GIGYF2: variants seen among roughly 807,000 people sequenced by gnomAD.
GIGYF2 encodes the protein GRB10 interacting GYF protein 2, also known as GRB10-interacting GYF protein 2.
Under a neutral mutation model 208.1 loss-of-function variants are expected in GIGYF2, and 25 were observed. That is an observed-to-expected ratio of 0.12 (90% confidence interval 0.09 to 0.17). GIGYF2 has a LOEUF of 0.17. GIGYF2 is among the 10% of genes least tolerant of loss of function. The pLI, the probability that GIGYF2 is intolerant of heterozygous loss-of-function variation, is 1.00. For missense variants in GIGYF2, 1,302 were observed against 1,579.4 expected, an observed-to-expected ratio of 0.82 and a Z score of 2.98; for synonymous variants, 534 against 543.8, an observed-to-expected ratio of 0.98 and a Z score of 0.25.
intron 8 of GIGYF2, among the ~76,000 whole-genome samples, chr2:232,769,650 T>G (rs2106337168): frequency 6.6e-6 from 1 of 152,296 alleles, no homozygotes; most frequent in Middle Eastern, 3.4e-3. Context: ...CAGGTCTATC[T>G]TCCTTGTGCC....
chr2:232,839,776 A>T (rs1447688146), intron 22 of GIGYF2, 73 bp from the exon 23 acceptor site: 3 of 1,433,956 alleles, frequency 2.1e-6, no homozygotes, highest in Non-Finnish European at 3.0e-6. Context: ...CTGGGTATAC[A>T]TAATGCATTA....
At chr2:232,756,435 T>G in intron 6 of GIGYF2, 101 bp downstream of exon 6, 1 of 633,998 alleles carries the variant, frequency 1.6e-6, no homozygotes, top group South Asian at 2.3e-5. Context: ...AAACTGTTCT[T>G]TGACATTAAC....
intron 28 of GIGYF2, among the ~76,000 whole-genome samples, chr2:232,854,654 T>C (rs1690483720): frequency 6.6e-6 from 1 of 152,206 alleles, no homozygotes; most frequent in Non-Finnish European, 1.5e-5. Flanking sequence ...TTGTAAGCAG[T>C]TGGTACCACA....
Position 232,771,270 on chromosome 2 carries a change from C to T in GIGYF2, c.532+9834C>T, listed in dbSNP as rs539369632. On this transcript the variant is annotated intron_variant, in intron 8 of 28. Transcript: ENST00000373563. ...ATGCAAGACCTCTTTGAGCGCCATC[C>T]ATTTGAAGTGTGCTGTGGCCATCCT... 12 of 1,608,814 alleles carry T rather than the reference C, an allele frequency of 7.5e-6. No individual in the cohort carries two copies. Among genetic ancestry groups the T allele is most frequent in the Non-Finnish European group, 9.3e-6 (11 of 1,176,790 alleles).
chr2:232,731,123 T>G (rs1373852504), intron 2 of GIGYF2: 1 of 152,184 alleles, frequency 6.6e-6, no homozygotes, highest in Non-Finnish European at 1.5e-5. Flanking sequence ...GTTCCTTAGA[T>G]GCTGCTTGAA....
chr2:232,790,687 TCTC>T lies in GIGYF2; in HGVS notation c.713-10_713-8del. On this transcript the variant is annotated splice_region_variant and splice_polypyrimidine_tract_variant and intron_variant, in intron 9 of 28. Coordinates refer to ENST00000373563, the MANE Select transcript of GIGYF2 (RefSeq NM_001103146.3). ...ACTTTTCTAAGGTTTGTGTCCTCCT[TCTC>T]ATCTCAGATGGCCCTCGTTCTGCAG... 6.2e-7 allele frequency: 1 copy of T among 1,605,736 alleles called. No individual in the cohort carries two copies. The highest frequency in any genetic ancestry group is 8.5e-7 in the Non-Finnish European group (1 of 1,172,374).
chr2:232,746,285 A>G (rs891317329), intron 3 of GIGYF2, among the ~76,000 whole-genome samples: 5 of 151,946 alleles, frequency 3.3e-5, no homozygotes, highest in Admixed American at 1.3e-4. Flanking sequence ...TGCATACGCT[A>G]TTTTTAATAA....
chr2:232,708,296 TATA>T (rs1159169346), intron 2 of GIGYF2, among the ~76,000 whole-genome samples: 1 of 152,140 alleles, frequency 6.6e-6, no homozygotes, highest in Non-Finnish European at 1.5e-5. Context: ...CATAATGTAT[TATA>T]AGAACATACA....
intron 28 of GIGYF2, among the ~76,000 whole-genome samples, chr2:232,855,587 T>C (rs1481520941): frequency 1.3e-5 from 2 of 152,188 alleles, no homozygotes; most frequent in African/African-American, 4.8e-5. Context: ...CTAAGGATCT[T>C]AATAGTGTGT....
chr2:232,802,882 T>C (rs971735939), intron 14 of GIGYF2, among the ~76,000 whole-genome samples: 13 of 150,156 alleles, frequency 8.7e-5, no homozygotes, highest in Non-Finnish European at 1.9e-4. Flanking sequence ...AGGGCAGGGC[T>C]TTCCTTTGTC....
rs1574888234 is a variant in GIGYF2 at position 232,790,748 on chromosome 2, T to A, written c.763T>A (p.Phe255Ile). The change falls in exon 10 of 29, where the codon TTT (phenylalanine) becomes ATT (isoleucine). Residue 255 changes from phenylalanine to isoleucine, a missense_variant. Transcript: ENST00000373563. ...GGAACACATGGAACGACGTCGGAGGTTTGAGTTTGATTTTCGAGATAGAGA... is the reference window on the plus strand; with the variant it reads ...GGAACACATGGAACGACGTCGGAGGATTGAGTTTGATTTTCGAGATAGAGA... Reference protein sequence around the residue: ...WREHMERRRRFEFDFRDRDDE... With the variant: ...WREHMERRRRIEFDFRDRDDE... 6.2e-7 allele frequency: 1 copy of A among 1,613,662 alleles called. No homozygotes were observed. The highest frequency in any genetic ancestry group is 2.2e-5 in the East Asian group (1 of 44,860).
intron 13 of GIGYF2, 101 bp from the exon 14 acceptor site, chr2:232,795,961 A>G: frequency 1.2e-6 from 1 of 823,214 alleles, no homozygotes; most frequent in East Asian, 2.5e-5. Context: ...TGACTTTCAT[A>G]GATCAAGTAG....
At chr2:232,761,972 A>G (rs1258395540) in intron 8 of GIGYF2, among the ~76,000 whole-genome samples, 1 of 151,642 alleles carries the variant, frequency 6.6e-6, no homozygotes, top group Non-Finnish European at 1.5e-5. Flanking sequence ...TGATGAATTA[A>G]TCATAATTTG....
rs143198072 is a variant in GIGYF2 at position 232,736,324 on chromosome 2, A to G, written c.41+1086A>G. ...TAATATGTTTCTAAAAAAATTAGAA[A>G]TAACTAGTAAGCCAGAAATAATTTC... On this transcript the variant is annotated intron_variant, in intron 3 of 28. Coordinates refer to ENST00000373563, the MANE Select transcript of GIGYF2 (RefSeq NM_001103146.3). 2,756 of 348,648 alleles carry G rather than the reference A, an allele frequency of 7.9e-3. 14 individuals carry two copies. The highest frequency in any genetic ancestry group is 1.0e-2 in the Non-Finnish European group (2,477 of 247,866). The allele number at this position is 348,648 out of a possible 1,614,324, so 21.6% of individuals were successfully genotyped here.
In GIGYF2 at chr2:232,787,348, A is replaced by G. The variant is rs765478879; in HGVS notation, c.712+19A>G. ...AGTCCTGGTAAGAATTCTGTTGAGT[A>G]AAGGCACACAGGGACTGAAATAAGG... On this transcript the variant is annotated intron_variant, in intron 9 of 28. Coordinates refer to ENST00000373563, the MANE Select transcript of GIGYF2 (RefSeq NM_001103146.3). The G allele has an allele frequency of 5.6e-6, 9 of 1,603,060 alleles. No individual in the cohort carries two copies. The Admixed American group carries it at 6.7e-5, about 12-fold the overall frequency.
At chr2:232,755,803 T>A (rs1698513123) in intron 5 of GIGYF2, among the ~76,000 whole-genome samples, 1 of 152,232 alleles carries the variant, frequency 6.6e-6, no homozygotes, top group Non-Finnish European at 1.5e-5. Context: ...ATCAGACCTT[T>A]TGGTAACTCC....
At chr2:232,770,312 T>C (rs1478352220) in intron 8 of GIGYF2, among the ~76,000 whole-genome samples, 1 of 152,212 alleles carries the variant, frequency 6.6e-6, no homozygotes, top group Admixed American at 6.5e-5. Flanking sequence ...GTTTTCTGTG[T>C]TCATGAGCAA....
intron 2 of GIGYF2, among the ~76,000 whole-genome samples, chr2:232,717,406 A>G (rs1166932431): frequency 6.6e-6 from 1 of 152,190 alleles, no homozygotes; most frequent in East Asian, 1.9e-4. Context: ...ATGTACATAT[A>G]CATGTATATG....
At position 232,860,168 on chromosome 2, in the gene GIGYF2, T is replaced by C. The variant is rs1432270114; in HGVS notation, c.*3308T>C. 2.0e-5 allele frequency: 3 copies of C among 152,138 alleles called. No individual in the cohort carries two copies. The highest frequency in any genetic ancestry group is 4.4e-5 in the Non-Finnish European group (3 of 68,028). The allele number at this position is 152,138 out of a possible 1,614,324, so 9.4% of individuals were successfully genotyped here. A position where few individuals can be genotyped will look rare whatever the true frequency, so the allele number is the denominator to read the frequency against. ...GCTTTAAGTTGAGGGTTTTTGTTTT[T>C]GTTTTTGTATTGGAGATGGGTTCTT... is the stretch of plus-strand genomic sequence containing the variant. On this transcript the variant is annotated 3_prime_UTR_variant, in exon 29 of 29. Coordinates refer to ENST00000373563, the MANE Select transcript of GIGYF2 (RefSeq NM_001103146.3).
Sources: gnomAD v4.1 joint callset for allele counts (sites outside exome capture counted in the v4.1 genomes callset) on GRCh38, gnomAD v4.1.1 for gene constraint, MANE v1.5 for transcripts, NCBI Gene and HGNC (gene_info 2026-07-23, HGNC 2026-07-21) for gene names.